CTSD: variants seen among roughly 807,000 people sequenced by gnomAD.
CTSD encodes the protein cathepsin D, also known as ceroid-lipofuscinosis, neuronal 10.
In CTSD, 28 loss-of-function variants were observed where a neutral mutation model predicts 43.6. The observed-to-expected ratio is 0.64, with a 90% CI of 0.48 to 0.88. The LOEUF is 0.88. Ranked by LOEUF, CTSD falls within the 40% of genes least tolerant of loss-of-function variation. The pLI is 0.00. For missense variants in CTSD, 485 were observed against 555.2 expected (o/e 0.87, Z 1.27); for synonymous variants, 270 against 249.8 (o/e 1.08, Z -0.76).
chr11:1,763,620 G>A (rs895875475), intron 1 of CTSD, 172 bp downstream of exon 1: 4 of 588,790 alleles, frequency 6.8e-6, no homozygotes, highest in South Asian at 2.5e-5. Context: ...CCGGCGCCCC[G>A]TAGGCGGGTG....
rs751245667 is a variant in CTSD, at chr11:1,753,816, T to C, written c.1058A>G (p.Asp353Gly). 1 of 1,613,424 alleles carries C rather than the reference T, an allele frequency of 6.2e-7. No individual in the cohort carries two copies. Among genetic ancestry groups the C allele is most frequent in the South Asian group, 1.1e-5 (1 of 91,066 alleles). The change falls in exon 8 of 9, where the codon GAC (aspartate) becomes GGC (glycine). Residue 353 changes from aspartate (D) to glycine (G), a missense_variant. Physicochemically the swap from Asp to Gly is moderately conservative, Grantham distance 94 (BLOSUM62 -1). Transcript: ENST00000236671. ...GGKGYKLSPE[D>G]YTLKVSQAGK... ...TTGCCCGCTCACCTTGAGCGTGTAGTCCTCTGGGGACAGCTTGTAGCCTTT... is the reference window on the plus strand; with the variant it reads ...TTGCCCGCTCACCTTGAGCGTGTAGCCCTCTGGGGACAGCTTGTAGCCTTT...
At chr11:1,760,420 G>T (rs371995799) in intron 2 of CTSD, 1 of 152,218 alleles carries the variant, frequency 6.6e-6, no homozygotes, top group Non-Finnish European at 1.5e-5. Flanking sequence ...CTGGGCCACC[G>T]TCAGCCACCA....
Position 1,753,532 on chromosome 11 carries a change from C to T in CTSD, c.1210G>A (p.Val404Met), listed in dbSNP as rs750489880. The T allele has an allele frequency of 3.7e-6, 6 of 1,612,902 alleles. No individual in the cohort carries two copies. The highest frequency in any genetic ancestry group is 3.4e-6 in the Non-Finnish European group (4 of 1,179,932). ...YTVFDRDNNR[V>M]GFAEAARL ...AGGCGGGCAGCCTCGGCGAAGCCCA[C>T]CCTGTTGTTGTCACGGTCAAACACA... is the stretch of plus-strand genomic sequence containing the variant. The change falls in exon 9 of 9, where the codon GTG becomes ATG. Residue 404 changes from valine (V) to methionine (M), a missense_variant. By Grantham distance (21) the Val-to-Met change is conservative (BLOSUM62 1). Coordinates refer to ENST00000236671, the MANE Select transcript of CTSD (RefSeq NM_001909.5).
intron 8 of CTSD, 61 bp downstream of exon 8, chr11:1,753,742 G>C: frequency 6.2e-7 from 1 of 1,609,598 alleles, no homozygotes; most frequent in South Asian, 1.1e-5. Flanking sequence ...CGCTCACCTG[G>C]AGCGTGCGCC....
chr11:1,761,435 C>T lies in CTSD; in HGVS notation c.102G>A (p.Arg34=). The change falls in exon 2 of 9, where the codon CGG becomes CGA. Residue 34 remains arginine (R), a synonymous_variant. Transcript: ENST00000236671. The stretch of plus-strand genomic sequence containing the variant: ...CAGAGCCCCCAACCTCCGACATGGT[C>T]CGGCGGATGGACGTGAACTTGTGCA... The part of the protein sequence containing the change: ...IPLHKFTSIR[R]TMSEVGGSVE... 6.2e-7 allele frequency: 1 copy of T among 1,613,882 alleles called. No homozygotes were observed. Among genetic ancestry groups the T allele is most frequent in the East Asian group, 2.2e-5 (1 of 44,882 alleles).
chr11:1,761,654 G>A, intron 1 of CTSD, 186 bp from the exon 2 acceptor site: 1 of 688,444 alleles, frequency 1.5e-6, no homozygotes, highest in Non-Finnish European at 2.6e-6. Flanking sequence ...GCAACCCATT[G>A]CCCCCCGCCA....
Position 1,761,486 on chromosome 11 carries a change from G to T in CTSD, c.69-18C>A. 1.2e-6 allele frequency: 2 copies of T among 1,613,612 alleles called. No individual in the cohort carries two copies. Among genetic ancestry groups the T allele is most frequent in the South Asian group, 2.2e-5 (2 of 91,080 alleles). The stretch of plus-strand genomic sequence containing the variant: ...GCGGGATCCTGTCAACCACGGGTCG[G>T]GGCATATCAGGGAGGCCCTCCCGCC... On this transcript the variant is annotated intron_variant, in intron 1 of 8. Transcript: ENST00000236671.
chr11:1,758,040 G>A (rs961686987), intron 4 of CTSD: 112 of 231,066 alleles, frequency 4.8e-4, no homozygotes, highest in African/African-American at 2.4e-3. Context: ...AGAGAACACG[G>A]CCAGAGCAGG....
intron 2 of CTSD, chr11:1,760,539 C>T (rs1845862268): frequency 6.6e-6 from 1 of 152,496 alleles, no homozygotes. Context: ...CAGGGGGACA[C>T]TCAGCAAATT....
intron 5 of CTSD, among the ~76,000 whole-genome samples, chr11:1,755,634 T>C (rs1845800029): frequency 6.6e-6 from 1 of 152,154 alleles, no homozygotes; most frequent in Admixed American, 6.5e-5. Context: ...TTTCTAAACA[T>C]TGCTCAAGTA....
chr11:1,758,905 C>T, intron 4 of CTSD, 64 bp downstream of exon 4: 1 of 1,195,616 alleles, frequency 8.4e-7, no homozygotes, highest in African/African-American at 1.5e-5. Flanking sequence ...ACCACATACC[C>T]ACGGTGGGTG....
intron 5 of CTSD, among the ~76,000 whole-genome samples, chr11:1,756,102 C>T (rs1462363225): frequency 6.6e-6 from 1 of 151,508 alleles, no homozygotes; most frequent in African/African-American, 2.4e-5. Flanking sequence ...GACCTGGGTA[C>T]TCATACCGTG....
chr11:1,761,087 C>T lies in CTSD; in HGVS notation c.228+222G>A, dbSNP rs1355274615. 8 of 590,732 alleles carry T rather than the reference C, an allele frequency of 1.4e-5. No individual in the cohort carries two copies. The African/African-American group carries it at 1.5e-4, about 11-fold the overall frequency. 36.6% of individuals were successfully genotyped at this position (590,732 alleles called of 1,614,324 possible). A position where few individuals can be genotyped will look rare whatever the true frequency, so the allele number is the denominator to read the frequency against. On this transcript the variant is annotated intron_variant, in intron 2 of 8. Transcript: ENST00000236671. The stretch of plus-strand genomic sequence containing the variant: ...GCCCGAGGCCACTCCCAATCACCCT[C>T]CCAGGCCCTAGCAGGACCAAGACCC...
At chr11:1,755,385 A>T (rs1845797256) in intron 5 of CTSD, 1 of 368,890 alleles carries the variant, frequency 2.7e-6, no homozygotes, top group Non-Finnish European at 5.2e-6. Context: ...GTCTGTCTGG[A>T]AGAAAAAACC....
In CTSD at chr11:1,754,024, G is replaced by T; in HGVS notation, c.942C>A (p.Ala314=). The stretch of plus-strand genomic sequence containing the variant: ...CCTGAATCAGCGGCACGGCCCCGAT[G>T]GCCTTCTGCAGCTCGCGCACCTCAT... The part of the protein sequence containing the change: ...PVDEVRELQK[A]IGAVPLIQGE... Residue 314 remains alanine (A), a synonymous_variant, in exon 7 of 9, where the codon GCC becomes GCA. Transcript: ENST00000236671. The T allele has an allele frequency of 6.2e-7, 1 of 1,608,506 alleles. No homozygotes were observed. Among genetic ancestry groups the T allele is most frequent in the East Asian group, 2.2e-5 (1 of 44,692 alleles).
At chr11:1,758,871 G>T in intron 4 of CTSD, 98 bp downstream of exon 4, 1 of 909,606 alleles carries the variant, frequency 1.1e-6, no homozygotes, top group Non-Finnish European at 1.8e-6. Context: ...GGGTTGGGCT[G>T]GGATCACCGA....
chr11:1,761,196 T>C (rs1590908545), intron 2 of CTSD, 113 bp downstream of exon 2: 1 of 1,215,494 alleles, frequency 8.2e-7, no homozygotes, highest in East Asian at 2.4e-5. Flanking sequence ...CGTGGCCAGG[T>C]GAGCCACTCA....
intron 5 of CTSD, 130 bp from the exon 6 acceptor site, chr11:1,755,158 G>A (rs1463244507): frequency 1.8e-6 from 2 of 1,103,328 alleles, no homozygotes; most frequent in South Asian, 1.3e-5. Flanking sequence ...GAAACTGCAG[G>A]GATGGAAAGG....
chr11:1,754,960 G>A lies in CTSD; in HGVS notation c.773C>T (p.Ser258Phe). The change falls in exon 6 of 9, where the codon TCT becomes TTT. Residue 258 changes from serine (S) to phenylalanine (F), a missense_variant. Transcript: ENST00000236671. ...GGTDSKYYKG[S>F]LSYLNVTRKA... ...GCGGGTGACATTCAGGTAGGACAGA[G>A]AACCCTTGTAATACTTGGAGTCTGT... 1.2e-6 allele frequency: 2 copies of A among 1,613,942 alleles called. No individual in the cohort carries two copies. Among genetic ancestry groups the A allele is most frequent in the Non-Finnish European group, 1.7e-6 (2 of 1,179,904 alleles).
Sources: gnomAD v4.1 joint callset for allele counts (sites outside exome capture counted in the v4.1 genomes callset) on GRCh38, gnomAD v4.1.1 for gene constraint, MANE v1.5 for transcripts, NCBI Gene and HGNC (gene_info 2026-07-23, HGNC 2026-07-21) for gene names.